ZMIZ1: variants seen among roughly 807,000 people sequenced by gnomAD.
The protein encoded by ZMIZ1 is zinc finger MIZ-type containing 1.
Under a neutral mutation model 113.9 loss-of-function variants are expected in ZMIZ1, and 17 were observed. The ratio of observed to expected loss-of-function variants is 0.15; its 90% confidence interval spans 0.10 to 0.22. The LOEUF (loss-of-function observed/expected upper bound fraction) is 0.22, where lower values mean the gene tolerates loss of function less well. ZMIZ1 is among the 10% of genes least tolerant of loss of function. ZMIZ1 has a pLI of 1.00. For synonymous variants in ZMIZ1, 607 were observed against 603.1 expected (o/e 1.01, Z -0.09); for missense variants, 1,059 against 1,477.8 (o/e 0.72, Z 4.65).
At chr10:79,265,150 G>A (rs983345038) in intron 7 of ZMIZ1, among the ~76,000 whole-genome samples, 14 of 152,134 alleles carry the variant, frequency 9.2e-5, no homozygotes, top group South Asian at 2.1e-4. Context: ...CTGACAACCC[G>A]GGCAGCCCTT....
intron 1 of ZMIZ1, among the ~76,000 whole-genome samples, chr10:79,113,675 C>T (rs937709706): frequency 1.3e-5 from 2 of 152,220 alleles, no homozygotes; most frequent in African/African-American, 2.4e-5. Flanking sequence ...CCCTTTCCAA[C>T]TCGTTGTCTG....
At position 79,315,829 on chromosome 10, in the gene ZMIZ1, ATTG is replaced by A. The variant is rs929170306; in HGVS notation, c.*3083_*3085del. On this transcript the variant is annotated 3_prime_UTR_variant, in exon 25 of 25. Transcript: ENST00000334512. ...TGCATTCATTTCTCTTGGAATGTGT[ATTG>A]TTTTTATTTTGCGAAACAAAACAAA... 4 of 152,558 alleles carry A rather than the reference ATTG, an allele frequency of 2.6e-5. No individual in the cohort carries two copies. Among genetic ancestry groups the A allele is most frequent in the East Asian group, 1.9e-4 (1 of 5,336 alleles). The allele number at this position is 152,558 out of a possible 1,614,324, so 9.5% of individuals were successfully genotyped here. A position where few individuals can be genotyped will look rare whatever the true frequency, so the allele number is the denominator to read the frequency against.
intron 4 of ZMIZ1, among the ~76,000 whole-genome samples, chr10:79,163,813 G>A (rs1450163401): frequency 2.0e-5 from 3 of 152,228 alleles, no homozygotes; most frequent in Non-Finnish European, 2.9e-5. Context: ...CCTCAGGCTG[G>A]TGGCCTGCCT....
intron 1 of ZMIZ1, among the ~76,000 whole-genome samples, chr10:79,088,676 A>T (rs1589257267): frequency 6.6e-6 from 1 of 152,256 alleles, no homozygotes; most frequent in Admixed American, 6.5e-5. Flanking sequence ...CGACTCTGAG[A>T]TCTTTTATCT....
At chr10:79,154,251 C>A (rs764341918) in intron 3 of ZMIZ1, among the ~76,000 whole-genome samples, 1 of 152,136 alleles carries the variant, frequency 6.6e-6, no homozygotes, top group Non-Finnish European at 1.5e-5. Flanking sequence ...GTGTCCCCTT[C>A]TCTGTAGGGT....
intron 7 of ZMIZ1, among the ~76,000 whole-genome samples, chr10:79,274,328 G>A (rs970124190): frequency 6.6e-5 from 10 of 152,348 alleles, no homozygotes; most frequent in Admixed American, 1.3e-4. Context: ...GAAGCATGCA[G>A]GCCAGCCCCG....
rs79259383 is a variant in ZMIZ1, at chr10:79,192,732, G to A, written c.-49-8852G>A. Among the ~76,000 whole-genome samples, 38 of 152,328 alleles carry A rather than the reference G, an allele frequency of 2.5e-4. No homozygotes were observed. In the East Asian group the frequency reaches 5.4e-3, roughly 22 times the overall value. On this transcript the variant is annotated intron_variant, in intron 4 of 24. Transcript: ENST00000334512. ...AGATGGACTTTCCTGCTTGACAGAT[G>A]AGGATGCAGGCTCAGGAAGGTGAAA...
intron 10 of ZMIZ1, among the ~76,000 whole-genome samples, chr10:79,291,471 A>G (rs1853490846): frequency 6.6e-6 from 1 of 152,238 alleles, no homozygotes; most frequent in African/African-American, 2.4e-5. Flanking sequence ...GTCTTTAATG[A>G]ATAGGAAAAT....
At chr10:79,180,465 G>A (rs1388051488) in intron 4 of ZMIZ1, among the ~76,000 whole-genome samples, 4 of 152,188 alleles carry the variant, frequency 2.6e-5, no homozygotes, top group Non-Finnish European at 2.9e-5. Context: ...GGGCCTAAGT[G>A]CCACCTGCCT....
At chr10:79,078,037 G>A (rs919531017) in intron 1 of ZMIZ1, among the ~76,000 whole-genome samples, 1 of 152,144 alleles carries the variant, frequency 6.6e-6, no homozygotes, top group African/African-American at 2.4e-5. Context: ...TAGCACAAAG[G>A]GCTGGCCCAT....
Position 79,105,141 on chromosome 10 carries a change from C to T in ZMIZ1, c.-336-13774C>T, listed in dbSNP as rs185866085. Among the ~76,000 whole-genome samples the T allele has an allele frequency of 1.0e-3, 159 of 152,296 alleles. 1 individual carries two copies. The highest frequency in any genetic ancestry group is 3.7e-3 in the African/African-American group (154 of 41,558). Reference sequence around the variant, plus strand: ...AGCCCAATGTGTTAGTTGTCTCCTCCCTGAGAAACTGATTCCCGAAAATTT... The same window carrying T: ...AGCCCAATGTGTTAGTTGTCTCCTCTCTGAGAAACTGATTCCCGAAAATTT... On this transcript the variant is annotated intron_variant, in intron 1 of 24. Coordinates refer to ENST00000334512, the MANE Select transcript of ZMIZ1 (RefSeq NM_020338.4).
intron 1 of ZMIZ1, among the ~76,000 whole-genome samples, chr10:79,073,720 G>C (rs755946512): frequency 6.6e-6 from 1 of 151,950 alleles, no homozygotes; most frequent in Non-Finnish European, 1.5e-5. Flanking sequence ...AAGGGGGAAG[G>C]GTCTGCCTGG....
At chr10:79,178,396 G>A (rs372266771) in intron 4 of ZMIZ1, among the ~76,000 whole-genome samples, 1 of 152,148 alleles carries the variant, frequency 6.6e-6, no homozygotes, top group Non-Finnish European at 1.5e-5. Flanking sequence ...TACCAGAGGC[G>A]CCATTCTCTC....
At position 79,293,573 on chromosome 10, in the gene ZMIZ1, C is replaced by G. The variant is rs1465526558; in HGVS notation, c.1150C>G (p.Arg384Gly). The part of the protein sequence containing the change: ...GISPFGTHGQ[R>G]MPQQTYPGPR... ...CAGCCCCTTTGGCACACACGGGCAGCGGATGCCCCAGCAGACCTACCCGGG... is the reference window on the plus strand; with the variant it reads ...CAGCCCCTTTGGCACACACGGGCAGGGGATGCCCCAGCAGACCTACCCGGG... The change falls in exon 12 of 25, where the codon CGG (arginine) becomes GGG (glycine). Residue 384 changes from arginine (R) to glycine (G), a missense_variant. This residue lies in a region of ZMIZ1 where 239 missense variants were observed against 247.5 expected (regional missense o/e 0.97). Coordinates refer to ENST00000334512, the MANE Select transcript of ZMIZ1 (RefSeq NM_020338.4). 1.2e-6 allele frequency: 2 copies of G among 1,613,022 alleles called. No homozygotes were observed. Among genetic ancestry groups the G allele is most frequent in the Admixed American group, 1.7e-5 (1 of 60,032 alleles).
intron 7 of ZMIZ1, among the ~76,000 whole-genome samples, chr10:79,243,271 C>T (rs1849965052): frequency 6.6e-6 from 1 of 150,378 alleles, no homozygotes; most frequent in African/African-American, 2.4e-5. Flanking sequence ...TGCGCCCCCG[C>T]CCCCCGCGCG....
chr10:79,193,521 G>A (rs184377416), intron 4 of ZMIZ1, among the ~76,000 whole-genome samples: 4 of 152,260 alleles, frequency 2.6e-5, no homozygotes, highest in Admixed American at 1.3e-4. Context: ...ATGGGCGTGC[G>A]TCCACCTGCC....
intron 2 of ZMIZ1, among the ~76,000 whole-genome samples, chr10:79,120,623 C>T (rs1844249382): frequency 6.6e-6 from 1 of 152,224 alleles, no homozygotes; most frequent in Admixed American, 6.5e-5. Context: ...AGGAATCGTC[C>T]CTGTCCGCCT....
At chr10:79,134,425 G>A (rs1441364693) in intron 2 of ZMIZ1, among the ~76,000 whole-genome samples, 1 of 152,204 alleles carries the variant, frequency 6.6e-6, no homozygotes, top group African/African-American at 2.4e-5. Context: ...CAGGGAGGTG[G>A]CTTTATCTGC....
rs1290903672 is a variant in ZMIZ1 at position 79,315,953 on chromosome 10, G to C, written c.*3204G>C. On this transcript the variant is annotated 3_prime_UTR_variant, in exon 25 of 25. Coordinates refer to ENST00000334512, the MANE Select transcript of ZMIZ1 (RefSeq NM_020338.4). ...CTCCACGTCTGTCTCTCTCGCTCAT[G>C]TAATATACTCTGACCCTGAGTGGAA... 1 of 152,684 alleles carries C rather than the reference G, an allele frequency of 6.5e-6. No homozygotes were observed. Among genetic ancestry groups the C allele is most frequent in the Non-Finnish European group, 1.5e-5 (1 of 68,050 alleles). 9.5% of individuals were successfully genotyped at this position (152,684 alleles called of 1,614,324 possible).
Sources: gnomAD v4.1 joint callset for allele counts (sites outside exome capture counted in the v4.1 genomes callset) on GRCh38, gnomAD v4.1.1 for gene constraint, gnomAD v4.1.1 regional missense constraint, MANE v1.5 for transcripts, NCBI Gene and HGNC (gene_info 2026-07-23, HGNC 2026-07-21) for gene names.